The following GALC variants were observed in gnomAD, a reference collection of about 807,000 sequenced individuals.
GALC encodes galactocerebrosidase.
In GALC, 77 loss-of-function variants were observed where a neutral mutation model predicts 91.8. The observed-to-expected ratio is 0.84, with a 90% CI of 0.70 to 1.01. The LOEUF (loss-of-function observed/expected upper bound fraction) is 1.01, where lower values mean the gene tolerates loss of function less well. GALC is among the 50% of genes least tolerant of loss of function. The probability of loss-of-function intolerance (pLI) is 0.00; values close to 1 mark genes in which losing one functional copy is unlikely to be tolerated. For missense variants in GALC, 882 were observed against 855.9 expected (o/e 1.03, Z -0.38); for synonymous variants, 357 against 306.7 (o/e 1.16, Z -1.71).
intron 12 of GALC, among the ~76,000 whole-genome samples, chr14:87,948,639 T>G (rs1885173675): frequency 6.6e-6 from 1 of 151,984 alleles, no homozygotes; most frequent in South Asian, 2.1e-4. Context: ...GGAGTTATTA[T>G]CCTTGTTTTA....
At chr14:87,987,013 G>T (rs891654798) in intron 3 of GALC, 2 of 454,042 alleles carry the variant, frequency 4.4e-6, no homozygotes, top group African/African-American at 4.0e-5. Context: ...CCCTGGACTC[G>T]TGAGCCCTGT....
Position 87,976,410 on chromosome 14 carries a change from A to G in GALC, c.700T>C (p.Ser234Pro). The part of the protein sequence containing the change: ...IASDNLWESI[S>P]ASMLLDAELF... ...TCGGCATCAAGGAGCATGGATGCAGAGATGGACTCCCAGAGATTATCACTT... is the reference window on the plus strand; with the variant it reads ...TCGGCATCAAGGAGCATGGATGCAGGGATGGACTCCCAGAGATTATCACTT... The change falls in exon 7 of 17, where the codon TCT becomes CCT. Residue 234 changes from serine to proline, a missense_variant. By Grantham distance (74) the Ser-to-Pro change is moderately conservative. Coordinates refer to ENST00000261304, the MANE Select transcript of GALC (RefSeq NM_000153.4). 1.2e-6 allele frequency: 2 copies of G among 1,613,986 alleles called. No homozygotes were observed. Among genetic ancestry groups the G allele is most frequent in the Non-Finnish European group, 1.7e-6 (2 of 1,179,834 alleles).
In GALC at chr14:87,934,533, C is replaced by T; in HGVS notation, c.*199G>A. ...CACACCAGGTAATGTTAAAGATTCA[C>T]CAGTTTTCCCCTTGGAATTAATTCT... is the stretch of plus-strand genomic sequence containing the variant. On this transcript the variant is annotated 3_prime_UTR_variant, in exon 17 of 17. Coordinates refer to ENST00000261304, the MANE Select transcript of GALC (RefSeq NM_000153.4). 6.9e-7 allele frequency: 1 copy of T among 1,445,556 alleles called. No homozygotes were observed. Among genetic ancestry groups the T allele is most frequent in the Non-Finnish European group, 9.0e-7 (1 of 1,106,356 alleles). 89.5% of individuals were successfully genotyped at this position (1,445,556 alleles called of 1,614,324 possible). A position where few individuals can be genotyped will look rare whatever the true frequency, so the allele number is the denominator to read the frequency against.
chr14:87,960,482 A>G (rs1472239809), intron 10 of GALC, among the ~76,000 whole-genome samples: 1 of 152,228 alleles, frequency 6.6e-6, no homozygotes, highest in African/African-American at 2.4e-5. Flanking sequence ...CCATTATACC[A>G]CATGTATGTA....
intron 7 of GALC, among the ~76,000 whole-genome samples, chr14:87,972,365 T>G (rs1886327702): frequency 6.6e-6 from 1 of 152,172 alleles, no homozygotes; most frequent in Admixed American, 6.5e-5. Flanking sequence ...GTAGTTACCT[T>G]TAAGGCAAAA....
chr14:87,981,742 TG>T (rs1462452912), intron 6 of GALC, among the ~76,000 whole-genome samples: 1 of 152,078 alleles, frequency 6.6e-6, no homozygotes, highest in Non-Finnish European at 1.5e-5. Context: ...ATAACACAAT[TG>T]GCAGATGTTA....
At chr14:87,953,963 A>C in intron 10 of GALC, 1 of 1,609,580 alleles carries the variant, frequency 6.2e-7, no homozygotes, top group Admixed American at 1.7e-5. Context: ...AGAGGACTGC[A>C]GCATTTTGGG....
chr14:87,945,530 C>A, intron 14 of GALC, 23 bp downstream of exon 14: 1 of 1,535,018 alleles, frequency 6.5e-7, no homozygotes. Context: ...CAGCCAGATC[C>A]ACATTGAGAA....
At position 87,933,902 on chromosome 14, in the gene GALC, T is replaced by A; in HGVS notation, c.*830A>T. The A allele has an allele frequency of 8.4e-7, 1 of 1,194,736 alleles. No individual in the cohort carries two copies. The highest frequency in any genetic ancestry group is 1.2e-6 in the Non-Finnish European group (1 of 836,306). The allele number at this position is 1,194,736 out of a possible 1,614,324, so 74.0% of individuals were successfully genotyped here. On this transcript the variant is annotated 3_prime_UTR_variant, in exon 17 of 17. Transcript: ENST00000261304. ...ATCAGCTGTGTGAGTCTGTTACCAG[T>A]GCACATGTGAGGACAGACCACAGCA...
chr14:87,945,460 A>G, intron 14 of GALC, 93 bp downstream of exon 14: 1 of 935,034 alleles, frequency 1.1e-6, no homozygotes, highest in South Asian at 1.3e-5. Flanking sequence ...TTCTTGAAAT[A>G]GGAGGACCAT....
At chr14:87,976,645 T>C in intron 6 of GALC, 157 bp from the exon 7 acceptor site, 1 of 655,942 alleles carries the variant, frequency 1.5e-6, no homozygotes. Context: ...GACAGAGGCT[T>C]CTCTCGTCGC....
intron 4 of GALC, 47 bp downstream of exon 4, chr14:87,986,442 G>T: frequency 8.4e-7 from 1 of 1,193,676 alleles, no homozygotes; most frequent in Non-Finnish European, 1.2e-6. Context: ...GAATTTAAAA[G>T]TTAAAGGAAA....
intron 6 of GALC, among the ~76,000 whole-genome samples, chr14:87,977,824 A>G (rs1886565564): frequency 6.6e-6 from 1 of 152,252 alleles, no homozygotes; most frequent in South Asian, 2.1e-4. Flanking sequence ...TTCAACAGAC[A>G]GTTTCTTAAA....
intron 11 of GALC, among the ~76,000 whole-genome samples, 157 bp downstream of exon 11, chr14:87,950,502 G>T (rs1280182698): frequency 6.6e-6 from 1 of 151,766 alleles, no homozygotes; most frequent in East Asian, 1.9e-4. Flanking sequence ...CTAGATTAAA[G>T]CAAGTCGGAA....
chr14:87,955,889 G>T (rs1885517548), intron 10 of GALC, among the ~76,000 whole-genome samples: 2 of 151,258 alleles, frequency 1.3e-5, no homozygotes, highest in Admixed American at 6.6e-5. Context: ...AGTATAGAGT[G>T]GTACTTATTC....
At chr14:87,936,436 T>C (rs1443377981) in intron 16 of GALC, among the ~76,000 whole-genome samples, 1 of 151,966 alleles carries the variant, frequency 6.6e-6, no homozygotes, top group African/African-American at 2.4e-5. Flanking sequence ...TTTCTCATTA[T>C]TGTCTATTGT....
At chr14:87,944,939 A>T (rs907112630) in intron 14 of GALC, among the ~76,000 whole-genome samples, 1 of 151,366 alleles carries the variant, frequency 6.6e-6, no homozygotes, top group Non-Finnish European at 1.5e-5. Context: ...AAAGAAACAC[A>T]TGACAGGTGG....
chr14:87,960,363 T>G (rs1048913176), intron 10 of GALC, among the ~76,000 whole-genome samples: 1 of 152,064 alleles, frequency 6.6e-6, no homozygotes, highest in African/African-American at 2.4e-5. Flanking sequence ...GTGAAGACGG[T>G]TAACAGTAAG....
intron 10 of GALC, among the ~76,000 whole-genome samples, chr14:87,955,905 G>T (rs1030392646): frequency 7.9e-5 from 12 of 151,470 alleles, no homozygotes; most frequent in African/African-American, 2.9e-4. Flanking sequence ...TATTCTGTAA[G>T]TTCAGAGTAT....
Sources: gnomAD v4.1 joint callset for allele counts (sites outside exome capture counted in the v4.1 genomes callset) on GRCh38, gnomAD v4.1.1 for gene constraint, MANE v1.5 for transcripts, NCBI Gene and HGNC (gene_info 2026-07-23, HGNC 2026-07-21) for gene names.